FARS2: variants seen among roughly 807,000 people sequenced by gnomAD.
FARS2 encodes phenylalanine--tRNA ligase, mitochondrial.
A neutral mutation model predicts 46.4 loss-of-function variants in FARS2; 40 were observed. The ratio of observed to expected loss-of-function variants is 0.86; its 90% CI spans 0.67 to 1.12. The LOEUF (loss-of-function observed/expected upper bound fraction) is 1.12. Ranked by LOEUF, FARS2 falls within the 50% of genes most tolerant of loss-of-function variation. The probability of loss-of-function intolerance (pLI) is 0.00; values close to 1 mark genes in which losing one functional copy is unlikely to be tolerated. For synonymous variants in FARS2, 234 were observed against 214.9 expected, an observed-to-expected ratio of 1.09 and a Z score of -0.78; for missense variants, 513 against 567.9, an observed-to-expected ratio of 0.90 and a Z score of 0.98.
At chr6:5,286,995 C>T (rs891878621) in intron 1 of FARS2, among the ~76,000 whole-genome samples, 7 of 152,266 alleles carry the variant, frequency 4.6e-5, no homozygotes, top group Non-Finnish European at 8.8e-5. Context: ...GGCCCCAGGC[C>T]TGGCCGCCTG....
At chr6:5,648,880 A>G (rs938544018) in intron 6 of FARS2, among the ~76,000 whole-genome samples, 1 of 152,196 alleles carries the variant, frequency 6.6e-6, no homozygotes, top group Non-Finnish European at 1.5e-5. Context: ...TGCATGCTCC[A>G]TCCCCAGGGC....
intron 2 of FARS2, among the ~76,000 whole-genome samples, chr6:5,389,577 G>C (rs1373280033): frequency 6.6e-6 from 1 of 152,206 alleles, no homozygotes; most frequent in Non-Finnish European, 1.5e-5. Flanking sequence ...TATCCCATCA[G>C]ACTTTACCTT....
chr6:5,523,165 G>A (rs563033784), intron 4 of FARS2, among the ~76,000 whole-genome samples: 1 of 152,312 alleles, frequency 6.6e-6, no homozygotes, highest in Admixed American at 6.5e-5. Context: ...AAGGGATCTT[G>A]TAACTTTCCT....
At chr6:5,639,095 C>T (rs1776683398) in intron 6 of FARS2, among the ~76,000 whole-genome samples, 1 of 152,212 alleles carries the variant, frequency 6.6e-6, no homozygotes, top group Non-Finnish European at 1.5e-5. Context: ...GTTCTGACCC[C>T]AGCTTCTCTC....
chr6:5,459,389 G>A (rs994740208), intron 4 of FARS2, among the ~76,000 whole-genome samples: 1 of 131,390 alleles, frequency 7.6e-6, no homozygotes, highest in African/African-American at 2.8e-5. Flanking sequence ...TTTTTTTTTT[G>A]ACCCTAGTAT....
intron 6 of FARS2, among the ~76,000 whole-genome samples, chr6:5,690,326 T>C (rs1189280298): frequency 6.6e-6 from 1 of 152,208 alleles, no homozygotes; most frequent in Non-Finnish European, 1.5e-5. Context: ...GATTTTGCAG[T>C]GGCTAGTACT....
At chr6:5,458,753 T>C (rs1020052013) in intron 4 of FARS2, among the ~76,000 whole-genome samples, 1 of 152,236 alleles carries the variant, frequency 6.6e-6, no homozygotes, top group Non-Finnish European at 1.5e-5. Context: ...TTTCCCTTGA[T>C]ATTTTTCATT....
chr6:5,758,794 G>A lies in FARS2; in HGVS notation c.1218-12497G>A, dbSNP rs372376134. ...TAAAAAATGGAGTCAATTTAAAGTT[G>A]CCCCCTGAGCCTTAGGGGTTCTGAG... On this transcript the variant is annotated intron_variant, in intron 6 of 6. Coordinates refer to ENST00000274680, the MANE Select transcript of FARS2 (RefSeq NM_006567.5). Among the ~76,000 whole-genome samples the A allele has an allele frequency of 1.4e-4, 21 of 152,240 alleles. No homozygotes were observed. In the South Asian group the frequency reaches 3.9e-3, roughly 29 times the overall value.
At chr6:5,681,327 A>G (rs928899946) in intron 6 of FARS2, among the ~76,000 whole-genome samples, 1 of 152,244 alleles carries the variant, frequency 6.6e-6, no homozygotes, top group Non-Finnish European at 1.5e-5. Flanking sequence ...AGTTCACAAT[A>G]TAACAATGGG....
intron 4 of FARS2, among the ~76,000 whole-genome samples, chr6:5,523,480 C>T (rs1769271110): frequency 1.3e-5 from 2 of 149,256 alleles, no homozygotes. Context: ...CCATTAGTGA[C>T]TTTGGATTGG....
At chr6:5,325,182 C>T (rs1770277440) in intron 1 of FARS2, among the ~76,000 whole-genome samples, 1 of 152,222 alleles carries the variant, frequency 6.6e-6, no homozygotes, top group South Asian at 2.1e-4. Flanking sequence ...CCCTTGTAAG[C>T]TGGGAGCTCT....
At chr6:5,749,611 G>A (rs1465290480) in intron 6 of FARS2, among the ~76,000 whole-genome samples, 3 of 152,178 alleles carry the variant, frequency 2.0e-5, no homozygotes, top group Admixed American at 1.3e-4. Context: ...TGTGCTGAAG[G>A]CCCCTGTGAA....
intron 1 of FARS2, among the ~76,000 whole-genome samples, chr6:5,318,880 G>A (rs928005002): frequency 1.0e-3 from 158 of 152,248 alleles, no homozygotes; most frequent in Non-Finnish European, 5.1e-4. Flanking sequence ...AGAAAAGGGC[G>A]TGGTTGAAAA....
In FARS2 at chr6:5,628,063, T is replaced by C. The variant is rs1037238951; in HGVS notation, c.1217+14743T>C. Among the ~76,000 whole-genome samples the C allele has an allele frequency of 5.3e-5, 8 of 152,198 alleles. No individual in the cohort carries two copies. The East Asian group carries it at 1.5e-3, about 29-fold the overall frequency. ...TTTTAACGAGGTTGGTCATATCCTA[T>C]ACAAAATACAGTTTTAAACTCTTTA... On this transcript the variant is annotated intron_variant, in intron 6 of 6. Transcript: ENST00000274680.
chr6:5,605,308 T>TG (rs34142120), intron 5 of FARS2, among the ~76,000 whole-genome samples: 117,385 of 151,988 alleles, frequency 0.77, 45,547 homozygotes, highest in South Asian at 0.83. Flanking sequence ...GGCCAGAGCA[T>TG]TACTCTGCTT....
intron 5 of FARS2, among the ~76,000 whole-genome samples, chr6:5,608,153 T>C (rs375514182): frequency 6.6e-6 from 1 of 152,178 alleles, no homozygotes; most frequent in African/African-American, 2.4e-5. Flanking sequence ...GGATATCGTT[T>C]CAAGACCATT....
intron 2 of FARS2, among the ~76,000 whole-genome samples, chr6:5,392,804 A>G (rs894308366): frequency 7.4e-6 from 1 of 135,966 alleles, no homozygotes; most frequent in Non-Finnish European, 1.6e-5. Flanking sequence ...ACATATATGT[A>G]TGTGTATATA....
rs144909598 is a variant in FARS2, at chr6:5,365,510, ATT to A, written c.-21-3019_-21-3018del. On this transcript the variant is annotated intron_variant, in intron 1 of 6. Transcript: ENST00000274680. ...ATACCCGGCTAATTTATTAAATAAAATTTTTTTTTTTTTTTTTTTTTTGTAGA... is the reference window on the plus strand; with the variant it reads ...ATACCCGGCTAATTTATTAAATAAAATTTTTTTTTTTTTTTTTTTTGTAGA... Among the ~76,000 whole-genome samples the A allele has an allele frequency of 7.6e-3, 975 of 127,942 alleles. 9 individuals are homozygous for A. Among genetic ancestry groups the A allele is most frequent in the African/African-American group, 0.028 (913 of 32,476 alleles). The allele number at this position is 127,942 out of a possible 152,430, so 83.9% of individuals were successfully genotyped here.
At chr6:5,433,057 G>T (rs997174202) in intron 4 of FARS2, among the ~76,000 whole-genome samples, 5 of 152,202 alleles carry the variant, frequency 3.3e-5, no homozygotes, top group African/African-American at 1.2e-4. Flanking sequence ...TTTAAAATAG[G>T]TGAAGAGCTG....
Sources: gnomAD v4.1 joint callset for allele counts (sites outside exome capture counted in the v4.1 genomes callset) on GRCh38, gnomAD v4.1.1 for gene constraint, MANE v1.5 for transcripts, NCBI Gene and HGNC (gene_info 2026-07-23, HGNC 2026-07-21) for gene names.